Variants in PDE1C observed in about 807,000 individuals in gnomAD.
PDE1C encodes the protein dual specificity calcium/calmodulin-dependent 3',5'-cyclic nucleotide phosphodiesterase 1C.
PDE1C carries 62 observed loss-of-function variants against 93.1 expected under a neutral mutation model. The ratio of observed to expected loss-of-function variants is 0.67; its 90% CI spans 0.54 to 0.82. The LOEUF (loss-of-function observed/expected upper bound fraction) is 0.82, where lower values mean the gene tolerates loss of function less well. PDE1C is among the 40% of genes least tolerant of loss of function. The pLI is 0.00. For synonymous variants in PDE1C, 325 were observed against 310.1 expected, an observed-to-expected ratio of 1.05 and a Z score of -0.50; for missense variants, 742 against 884.6, an observed-to-expected ratio of 0.84 and a Z score of 2.04.
chr7:32,082,474 C>G (rs978427865), intron 3 of PDE1C, among the ~76,000 whole-genome samples: 19 of 152,260 alleles, frequency 1.2e-4, no homozygotes, highest in Admixed American at 7.8e-4. Flanking sequence ...ACTCTGCAGA[C>G]TTAAATGTCC....
chr7:31,853,878 A>ATTTTT (rs60293827), intron 7 of PDE1C, among the ~76,000 whole-genome samples: 7 of 124,534 alleles, frequency 5.6e-5, no homozygotes, highest in Non-Finnish European at 5.1e-5. Flanking sequence ...ATGCCCAGCT[A>ATTTTT]TTTTTTTTTT....
intron 17 of PDE1C, among the ~76,000 whole-genome samples, chr7:31,774,907 A>G (rs2128629072): frequency 6.6e-6 from 1 of 152,296 alleles, no homozygotes; most frequent in African/African-American, 2.4e-5. Flanking sequence ...AATTTTCTTC[A>G]ATGACGGTAT....
At chr7:31,881,801 A>G (rs907848872) in intron 2 of PDE1C, among the ~76,000 whole-genome samples, 1 of 152,028 alleles carries the variant, frequency 6.6e-6, no homozygotes, top group African/African-American at 2.4e-5. Context: ...TGACCTAAAG[A>G]TTAAATGAAA....
intron 1 of PDE1C, among the ~76,000 whole-genome samples, chr7:32,294,905 T>A (rs1812537789): frequency 6.6e-6 from 1 of 152,214 alleles, no homozygotes; most frequent in African/African-American, 2.4e-5. Context: ...TTCCCAGGGA[T>A]GGAACTCTCA....
At chr7:32,249,132 GC>G (rs1809176132) in intron 1 of PDE1C, among the ~76,000 whole-genome samples, 1 of 152,034 alleles carries the variant, frequency 6.6e-6, no homozygotes, top group Non-Finnish European at 1.5e-5. Flanking sequence ...ACCCTTCACA[GC>G]TGGCAGTGTT....
intron 2 of PDE1C, among the ~76,000 whole-genome samples, chr7:32,185,486 TC>T (rs1199137299): frequency 6.6e-6 from 1 of 152,162 alleles, no homozygotes; most frequent in Non-Finnish European, 1.5e-5. Context: ...ACTCTTGGAA[TC>T]CAAATTAATT....
chr7:31,682,235 C>T, the PDE1C span, among the ~76,000 whole-genome samples: 1 of 152,096 alleles, frequency 6.6e-6, no homozygotes, highest in Admixed American at 6.5e-5. Flanking sequence ...TTTTTGTTGA[C>T]AATTTGCCCT....
intron 17 of PDE1C, 126 bp downstream of exon 17, chr7:31,775,538 C>G (rs1390479846): frequency 1.4e-6 from 1 of 729,084 alleles, no homozygotes; most frequent in Non-Finnish European, 2.3e-6. Context: ...ACAAAGCTCT[C>G]TGATAACGTG....
At chr7:31,849,635 G>T (rs1043337409) in intron 8 of PDE1C, among the ~76,000 whole-genome samples, 2 of 152,150 alleles carry the variant, frequency 1.3e-5, no homozygotes, top group African/African-American at 2.4e-5. Context: ...CCTATCTAGA[G>T]TGTGCACCTG....
chr7:31,681,785 C>A, the PDE1C span, among the ~76,000 whole-genome samples: 1 of 152,188 alleles, frequency 6.6e-6, no homozygotes. Context: ...CAAAAATTGG[C>A]TGCTTTATTT....
chr7:31,652,900 T>C, the PDE1C span: 12 of 1,550,734 alleles, frequency 7.7e-6, no homozygotes, highest in Non-Finnish European at 9.6e-6. Flanking sequence ...GAAATTTCAA[T>C]TTTCCCCAAG....
chr7:32,338,656 A>G (rs1783676318), intron 1 of PDE1C, among the ~76,000 whole-genome samples: 1 of 152,182 alleles, frequency 6.6e-6, no homozygotes, highest in South Asian at 2.1e-4. Flanking sequence ...AATTGAACAC[A>G]GCGTCTCAAA....
chr7:31,956,776 C>T (rs1280944248), intron 2 of PDE1C, among the ~76,000 whole-genome samples: 3 of 151,914 alleles, frequency 2.0e-5, no homozygotes, highest in Non-Finnish European at 4.4e-5. Flanking sequence ...TAACTTTTAC[C>T]ACAACTGTAA....
the PDE1C span, among the ~76,000 whole-genome samples, chr7:31,619,719 C>T: frequency 2.0e-5 from 3 of 152,056 alleles, no homozygotes; most frequent in South Asian, 2.1e-4. Flanking sequence ...TCTGAGGTAC[C>T]AGTTCCATCT....
Position 32,280,326 on chromosome 7 carries a change from A to T in PDE1C, c.85+18325T>A, listed in dbSNP as rs558202248. Among the ~76,000 whole-genome samples, 3 of 152,332 alleles carry T rather than the reference A, an allele frequency of 2.0e-5. No homozygotes were observed. The South Asian group carries it at 6.2e-4, about 32-fold the overall frequency. Reference sequence around the variant, plus strand: ...AGTTATAGTGTACTAAAATATGTATAAAGCTAAAACTGAAATACAAGAAGA... The same window carrying T: ...AGTTATAGTGTACTAAAATATGTATTAAGCTAAAACTGAAATACAAGAAGA... On this transcript the variant is annotated intron_variant, in intron 1 of 18. Coordinates refer to the PDE1C transcript ENST00000396193.
At chr7:32,270,982 A>T (rs1810919971) in intron 1 of PDE1C, among the ~76,000 whole-genome samples, 1 of 151,956 alleles carries the variant, frequency 6.6e-6, no homozygotes, top group African/African-American at 2.4e-5. Context: ...AAAAGAAAAA[A>T]AAAAAATTAG....
At chr7:32,338,770 G>A (rs215667) in intron 1 of PDE1C, among the ~76,000 whole-genome samples, 144,313 of 151,958 alleles carry the variant, frequency 0.95, 68,767 homozygotes, top group East Asian at 1. Flanking sequence ...TTGGGAGGCC[G>A]AGGTGGGCGG....
chr7:31,721,507 C>T, the PDE1C span, among the ~76,000 whole-genome samples: 1 of 152,172 alleles, frequency 6.6e-6, no homozygotes, highest in African/African-American at 2.4e-5. Context: ...AGATTTGGAA[C>T]ATTAAGACAC....
intron 1 of PDE1C, among the ~76,000 whole-genome samples, chr7:32,406,705 G>A (rs170016): frequency 0.56 from 85,046 of 151,958 alleles, 24,949 homozygotes; most frequent in Admixed American, 0.66. Flanking sequence ...CTGAGACAAG[G>A]AGGCAGGGAG....
Sources: gnomAD v4.1 joint callset for allele counts (sites outside exome capture counted in the v4.1 genomes callset) on GRCh38, gnomAD v4.1.1 for gene constraint, MANE v1.5 for transcripts, NCBI Gene and HGNC (gene_info 2026-07-23, HGNC 2026-07-21) for gene names.